The following GPR158 variants were observed in gnomAD, a reference collection of about 807,000 sequenced individuals.
The protein encoded by GPR158 is G protein-coupled receptor 158, also known as metabotropic glycine receptor.
GPR158 carries 30 observed loss-of-function variants against 78.2 expected under a neutral mutation model. The ratio of observed to expected loss-of-function variants is 0.38; its 90% CI spans 0.29 to 0.52. The LOEUF is 0.52. Among genes scored for constraint, GPR158 ranks in the 20% least tolerant of loss-of-function variants. The pLI, the probability that GPR158 is intolerant of heterozygous loss-of-function variation, is 0.83. For synonymous variants in GPR158, 581 were observed against 591.1 expected (o/e 0.98, Z 0.25); for missense variants, 1,463 against 1,523.5 (o/e 0.96, Z 0.66).
chr10:25,199,451 C>G (rs1433966874), intron 1 of GPR158, among the ~76,000 whole-genome samples: 1 of 152,128 alleles, frequency 6.6e-6, no homozygotes, highest in African/African-American at 2.4e-5. Context: ...GCCTCCAGCT[C>G]CATCCATGTT....
chr10:25,275,217 T>G (rs1399477369), intron 2 of GPR158, among the ~76,000 whole-genome samples: 1 of 152,172 alleles, frequency 6.6e-6, no homozygotes, highest in African/African-American at 2.4e-5. Context: ...TGATGTGTTT[T>G]TAAAAGTGTG....
In GPR158 at chr10:25,468,039, C is replaced by T. The variant is rs150384173; in HGVS notation, c.1404+1320C>T. 3.1e-3 allele frequency among the ~76,000 whole-genome samples: 473 copies of T among 152,172 alleles called. 1 individual carries two copies. Among genetic ancestry groups the T allele is most frequent in the African/African-American group, 9.6e-3 (398 of 41,512 alleles). On this transcript the variant is annotated intron_variant, in intron 5 of 10. Transcript: ENST00000376351. ...TACCACCATCCCAGGAAGGTCGTAT[C>T]GTGGTTAAATCTGTACTTATTGCAC...
chr10:25,263,414 C>T (rs1461087191), intron 2 of GPR158, among the ~76,000 whole-genome samples: 3 of 152,184 alleles, frequency 2.0e-5, no homozygotes, highest in Admixed American at 1.3e-4. Flanking sequence ...GCCTTGATTA[C>T]TATAGCTTTA....
At chr10:25,267,664 A>G (rs987286020) in intron 2 of GPR158, among the ~76,000 whole-genome samples, 1 of 152,154 alleles carries the variant, frequency 6.6e-6, no homozygotes, top group African/African-American at 2.4e-5. Context: ...TCTCACTACA[A>G]ATGTGCCTTC....
intron 2 of GPR158, among the ~76,000 whole-genome samples, chr10:25,280,856 T>C (rs113576735): frequency 0.013 from 1,944 of 152,106 alleles, 30 homozygotes; most frequent in South Asian, 0.057. Context: ...ACTCATCAGG[T>C]TGGACGTGGT....
At chr10:25,582,322 A>C (rs1363392609) in intron 7 of GPR158, among the ~76,000 whole-genome samples, 1 of 152,174 alleles carries the variant, frequency 6.6e-6, no homozygotes, top group Non-Finnish European at 1.5e-5. Context: ...ATGTGTATCC[A>C]TAAGCTCTGA....
intron 5 of GPR158, among the ~76,000 whole-genome samples, chr10:25,467,867 C>A (rs907428615): frequency 2.6e-5 from 4 of 152,114 alleles, no homozygotes; most frequent in African/African-American, 9.7e-5. Context: ...AAGTCTCTGC[C>A]TTTGTCTCTG....
intron 1 of GPR158, among the ~76,000 whole-genome samples, chr10:25,177,984 A>G (rs1852562382): frequency 6.6e-6 from 1 of 152,176 alleles, no homozygotes. Flanking sequence ...AAAGACCAGC[A>G]GATGCTATTC....
chr10:25,223,197 T>C (rs1253705569), intron 2 of GPR158, among the ~76,000 whole-genome samples: 1 of 152,194 alleles, frequency 6.6e-6, no homozygotes, highest in East Asian at 1.9e-4. Context: ...GAAAAAATAT[T>C]CTACAATTTC....
At chr10:25,546,383 T>TGCA (rs1358270182) in intron 5 of GPR158, among the ~76,000 whole-genome samples, 10 of 152,182 alleles carry the variant, frequency 6.6e-5, no homozygotes, top group Admixed American at 4.6e-4. Context: ...TGCAGACTTA[T>TGCA]GCATCCTTTT....
chr10:25,420,958 T>C (rs1834741890), intron 4 of GPR158, among the ~76,000 whole-genome samples: 1 of 152,194 alleles, frequency 6.6e-6, no homozygotes, highest in Non-Finnish European at 1.5e-5. Flanking sequence ...CCTTGAAATT[T>C]TATGTAGATT....
In GPR158 at chr10:25,599,180, G is replaced by A; in HGVS notation, c.3554G>A (p.Gly1185Glu). The A allele has an allele frequency of 6.2e-7, 1 of 1,611,478 alleles. No homozygotes were observed. The highest frequency in any genetic ancestry group is 8.5e-7 in the Non-Finnish European group (1 of 1,179,890). Residue 1185 changes from glycine to glutamate, a missense_variant, in exon 11 of 11, where the codon GGA (glycine) becomes GAA (glutamate). Gly to Glu is a moderately conservative substitution (Grantham distance 98, BLOSUM62 -2). Coordinates refer to ENST00000376351, the MANE Select transcript of GPR158 (RefSeq NM_020752.3). ...GAGACCCCAGCTCAACCAAATGCTG[G>A]AAGAAGTGTAGCTTTACCTGCCTCT... ...EFETPAQPNA[G>E]RSVALPASSA...
At chr10:25,504,013 C>T (rs189671528) in intron 5 of GPR158, among the ~76,000 whole-genome samples, 1 of 151,924 alleles carries the variant, frequency 6.6e-6, no homozygotes, top group African/African-American at 2.4e-5. Context: ...GCCTCAGCCT[C>T]CCAAGTAGCT....
intron 7 of GPR158, among the ~76,000 whole-genome samples, chr10:25,580,802 T>C (rs1019948768): frequency 2.0e-4 from 31 of 152,210 alleles, no homozygotes; most frequent in Non-Finnish European, 3.8e-4. Context: ...CATAGCTTGC[T>C]GCAGCTTCGA....
rs1177567464 is a variant in GPR158, at chr10:25,581,990, AC to A, written c.1754-7016del. 7.9e-5 allele frequency among the ~76,000 whole-genome samples: 12 copies of A among 152,322 alleles called. No individual in the cohort carries two copies. The East Asian group carries it at 1.9e-3, about 24-fold the overall frequency. On this transcript the variant is annotated intron_variant, in intron 7 of 10. Transcript: ENST00000376351. ...GGCACGTCTTAAATGGCGGCAGGCA[AC>A]GAGAGAATGAGAACCAAGTGAAAGG...
At chr10:25,391,969 G>A (rs112437848) in intron 2 of GPR158, among the ~76,000 whole-genome samples, 14 of 152,148 alleles carry the variant, frequency 9.2e-5, no homozygotes, top group African/African-American at 2.6e-4. Context: ...TAAGTCTCAC[G>A]AGATCTGATG....
intron 5 of GPR158, among the ~76,000 whole-genome samples, chr10:25,503,999 T>G (rs1835978627): frequency 6.6e-6 from 1 of 151,738 alleles, no homozygotes; most frequent in South Asian, 2.1e-4. Flanking sequence ...CAAGCGATTC[T>G]CGTGCCTCAG....
rs137938445 is a variant in GPR158, at chr10:25,195,123, T to G, written c.902+18801T>G. On this transcript the variant is annotated intron_variant, in intron 1 of 10. Transcript: ENST00000376351. Reference sequence around the variant, plus strand: ...CTCCATCAAGATTTTTCCCCACCCATTGGAGTTGCTAATTGCCTTTTTATT... The same window carrying G: ...CTCCATCAAGATTTTTCCCCACCCAGTGGAGTTGCTAATTGCCTTTTTATT... Among the ~76,000 whole-genome samples, 306 of 152,060 alleles carry G rather than the reference T, an allele frequency of 2.0e-3. 1 individual carries two copies. The highest frequency in any genetic ancestry group is 0.014 in the Middle Eastern group (4 of 294).
At chr10:25,292,815 G>A (rs1424542801) in intron 2 of GPR158, among the ~76,000 whole-genome samples, 2 of 152,050 alleles carry the variant, frequency 1.3e-5, no homozygotes. Context: ...GGTTAGACAT[G>A]TATTTTCTAC....
Sources: gnomAD v4.1 joint callset for allele counts (sites outside exome capture counted in the v4.1 genomes callset) on GRCh38, gnomAD v4.1.1 for gene constraint, MANE v1.5 for transcripts, NCBI Gene and HGNC (gene_info 2026-07-23, HGNC 2026-07-21) for gene names.